HELB: variants seen among roughly 807,000 people sequenced by gnomAD.
The protein encoded by HELB is DNA helicase B.
HELB carries 96 observed loss-of-function variants against 101.7 expected under a neutral mutation model. That is an observed-to-expected ratio of 0.94 (90% CI 0.80 to 1.12). HELB has a LOEUF of 1.12. Ranked by LOEUF, HELB falls within the 50% of genes most tolerant of loss-of-function variation. HELB has a pLI of 0.00. For synonymous variants in HELB, 437 were observed against 459.7 expected, an observed-to-expected ratio of 0.95 and a Z score of 0.63; for missense variants, 1,210 against 1,291.9, an observed-to-expected ratio of 0.94 and a Z score of 0.97.
intron 3 of HELB, among the ~76,000 whole-genome samples, chr12:66,306,757 A>T (rs2053481595): frequency 1.3e-5 from 2 of 152,302 alleles, no homozygotes; most frequent in Middle Eastern, 6.8e-3. Flanking sequence ...AAATGAAAAA[A>T]AATTGATGAC....
chr12:66,323,969 A>AT lies in HELB; in HGVS notation c.2298-10dup, dbSNP rs2053704011. The AT allele has an allele frequency of 6.4e-7, 1 of 1,561,156 alleles. No individual in the cohort carries two copies. On this transcript the variant is annotated splice_polypyrimidine_tract_variant and intron_variant, in intron 9 of 12. Coordinates refer to ENST00000247815, the MANE Select transcript of HELB (RefSeq NM_001370285.1). The stretch of plus-strand genomic sequence containing the variant: ...TTCCAAACTTTGATTATATATTATC[A>AT]TTTTCTATCCCAGAGACCATCAGAG...
intron 3 of HELB, 108 bp downstream of exon 3, chr12:66,306,622 T>C: frequency 1.7e-6 from 1 of 593,064 alleles, no homozygotes; most frequent in Non-Finnish European, 2.7e-6. Context: ...TGGACCCCAG[T>C]ATTGATTTAT....
intron 11 of HELB, among the ~76,000 whole-genome samples, chr12:66,326,341 C>T (rs540417458): frequency 6.6e-6 from 1 of 152,110 alleles, no homozygotes; most frequent in South Asian, 2.1e-4. Context: ...CTCCCAGGTT[C>T]AAGTGATTCT....
chr12:66,315,019 C>G (rs2053587425), intron 5 of HELB, among the ~76,000 whole-genome samples: 1 of 151,306 alleles, frequency 6.6e-6, no homozygotes, highest in Non-Finnish European at 1.5e-5. Flanking sequence ...AATATGTTGA[C>G]TAAAACATAT....
intron 11 of HELB, among the ~76,000 whole-genome samples, chr12:66,329,623 TA>T (rs1038272986): frequency 1.4e-4 from 22 of 152,324 alleles, no homozygotes; most frequent in Admixed American, 4.6e-4. Context: ...TTAGAGGTTT[TA>T]AGCAGCATCT....
In HELB at chr12:66,318,700, T is replaced by C; in HGVS notation, c.2063T>C (p.Leu688Ser). 1 of 1,608,936 alleles carries C rather than the reference T, an allele frequency of 6.2e-7. No homozygotes were observed. The highest frequency in any genetic ancestry group is 8.5e-7 in the Non-Finnish European group (1 of 1,178,586). Reference sequence around the variant, plus strand: ...CTAAATATCTCTGATAATCCAACATTACCCATCTCAATTCAAGATAAGACA... The same window carrying C: ...CTAAATATCTCTGATAATCCAACATCACCCATCTCAATTCAAGATAAGACA... ...AELNISDNPTLPISIQDKTFI... is the reference protein window; with the variant it reads ...AELNISDNPTSPISIQDKTFI... Residue 688 changes from leucine to serine, a missense_variant, in exon 7 of 13, where the codon TTA (leucine) becomes TCA (serine). By Grantham distance (145) the Leu-to-Ser change is moderately radical. Transcript: ENST00000247815.
At chr12:66,312,118 C>A (rs1025067237) in intron 4 of HELB, among the ~76,000 whole-genome samples, 8 of 152,202 alleles carry the variant, frequency 5.3e-5, no homozygotes, top group African/African-American at 1.9e-4. Flanking sequence ...TGACTTATCT[C>A]ATTACATCCT....
intron 12 of HELB, among the ~76,000 whole-genome samples, chr12:66,332,914 T>C (rs1323162900): frequency 6.6e-6 from 1 of 152,134 alleles, no homozygotes; most frequent in African/African-American, 2.4e-5. Context: ...TTTTCTGCTT[T>C]TGTCAAGCTA....
downstream of HELB, chr12:66,341,509 T>C (rs1416248078): frequency 6.6e-6 from 1 of 152,168 alleles, no homozygotes; most frequent in African/African-American, 2.4e-5. Context: ...AGTTGACACC[T>C]AATATTAACC....
At chr12:66,310,670 G>C in intron 4 of HELB, 62 bp downstream of exon 4, 1 of 1,468,410 alleles carries the variant, frequency 6.8e-7, no homozygotes, top group Non-Finnish European at 9.2e-7. Context: ...AGTGGCTCAC[G>C]CCTGTAATCC....
At chr12:66,316,123 T>C (rs908682968) in intron 6 of HELB, among the ~76,000 whole-genome samples, 2 of 152,210 alleles carry the variant, frequency 1.3e-5, no homozygotes, top group African/African-American at 4.8e-5. Flanking sequence ...TGTGTTACAG[T>C]TGGGTACAGC....
At chr12:66,303,647 GAAAGA>G (rs1314641003) in intron 1 of HELB, among the ~76,000 whole-genome samples, 2 of 151,976 alleles carry the variant, frequency 1.3e-5, no homozygotes, top group Non-Finnish European at 2.9e-5. Flanking sequence ...AAACGAAAAG[GAAAGA>G]AAAGAAAAAG....
intron 9 of HELB, among the ~76,000 whole-genome samples, chr12:66,323,661 A>G (rs762935198): frequency 2.6e-5 from 4 of 152,352 alleles, no homozygotes; most frequent in Non-Finnish European, 5.9e-5. Context: ...TTAATTTTAA[A>G]GGAAAAAAAT....
chr12:66,321,738 G>A (rs1439882820), intron 7 of HELB: 24 of 459,036 alleles, frequency 5.2e-5, no homozygotes, highest in South Asian at 5.0e-4. Flanking sequence ...TGTTGAGGGT[G>A]GGTTGTCTTG....
At chr12:66,329,497 G>A (rs758288144) in intron 11 of HELB, among the ~76,000 whole-genome samples, 6 of 152,124 alleles carry the variant, frequency 3.9e-5, no homozygotes, top group African/African-American at 7.2e-5. Context: ...GGTGGAGCAT[G>A]GTTCATGGAA....
intron 1 of HELB, among the ~76,000 whole-genome samples, chr12:66,304,031 A>G (rs1469189572): frequency 6.6e-6 from 1 of 152,258 alleles, no homozygotes; most frequent in African/African-American, 2.4e-5. Flanking sequence ...GCGCAGATTT[A>G]GGCAGAAAAG....
chr12:66,309,842 G>A lies in HELB; in HGVS notation c.914G>A (p.Cys305Tyr), dbSNP rs1282096300. ...LIMYSRLKQI[C>Y]REDGHTYVEV... ...ATGTATTCCAGACTGAAGCAGATAT[G>A]TAGAGAAGATGGGCACACATATGTT... Residue 305 changes from cysteine (C) to tyrosine (Y), a missense_variant, in exon 4 of 13, where the codon TGT becomes TAT. Cys to Tyr is a radical substitution (Grantham distance 194). Coordinates refer to ENST00000247815, the MANE Select transcript of HELB (RefSeq NM_001370285.1). 1 of 1,614,154 alleles carries A rather than the reference G, an allele frequency of 6.2e-7. No individual in the cohort carries two copies. Among genetic ancestry groups the A allele is most frequent in the African/African-American group, 1.3e-5 (1 of 75,056 alleles).
chr12:66,321,599 AC>A (rs1297742438), intron 7 of HELB: 1 of 222,992 alleles, frequency 4.5e-6, no homozygotes, highest in Non-Finnish European at 9.0e-6. Context: ...AGGAAGTTTT[AC>A]ATTAGTCATG....
intron 11 of HELB, among the ~76,000 whole-genome samples, chr12:66,328,520 G>A (rs906396650): frequency 1.3e-5 from 2 of 152,096 alleles, no homozygotes; most frequent in Non-Finnish European, 2.9e-5. Context: ...CTCCTAGCCC[G>A]GGTGACAGAG....
Sources: gnomAD v4.1 joint callset for allele counts (sites outside exome capture counted in the v4.1 genomes callset) on GRCh38, gnomAD v4.1.1 for gene constraint, MANE v1.5 for transcripts, NCBI Gene and HGNC (gene_info 2026-07-23, HGNC 2026-07-21) for gene names.